Variants in TAB2 observed in about 807,000 individuals in gnomAD.
TAB2 encodes TGF-beta-activated kinase 1 and MAP3K7-binding protein 2.
Under a neutral mutation model 65.0 loss-of-function variants are expected in TAB2, and 3 were observed. The ratio of observed to expected loss-of-function variants is 0.05; its 90% CI spans 0.02 to 0.12. TAB2 has a LOEUF of 0.12. TAB2 is among the 10% of genes least tolerant of loss of function. The probability of loss-of-function intolerance (pLI) is 1.00; values close to 1 mark genes in which losing one functional copy is unlikely to be tolerated. For missense variants in TAB2, 623 were observed against 840.3 expected (o/e 0.74, Z 3.20); for synonymous variants, 298 against 285.1 (o/e 1.05, Z -0.46).
intron 3 of TAB2, among the ~76,000 whole-genome samples, chr6:149,396,174 C>A (rs868867787): frequency 2.0e-5 from 3 of 152,076 alleles, no homozygotes; most frequent in Non-Finnish European, 2.9e-5. Flanking sequence ...TCCACCACCA[C>A]GCCCGGCAAC....
intron 1 of TAB2, among the ~76,000 whole-genome samples, chr6:149,228,044 C>T (rs2114629213): frequency 6.6e-6 from 1 of 152,092 alleles, no homozygotes; most frequent in East Asian, 1.9e-4. Context: ...GTGAAACGTC[C>T]CACCATAGCA....
At chr6:149,407,838 A>AT (rs1193300370) in intron 6 of TAB2, among the ~76,000 whole-genome samples, 1 of 151,866 alleles carries the variant, frequency 6.6e-6, no homozygotes, top group Non-Finnish European at 1.5e-5. Flanking sequence ...ACCACTGGAG[A>AT]TTTTTCATTT....
intron 3 of TAB2, among the ~76,000 whole-genome samples, chr6:149,393,689 A>G (rs969685402): frequency 3.3e-5 from 5 of 152,214 alleles, no homozygotes; most frequent in Non-Finnish European, 5.9e-5. Context: ...AGAATGCTCA[A>G]CCTTATCCTG....
At chr6:149,223,154 A>G (rs921505362) in intron 1 of TAB2, among the ~76,000 whole-genome samples, 1 of 152,246 alleles carries the variant, frequency 6.6e-6, no homozygotes. Flanking sequence ...ATCTTATTAA[A>G]TTCAAAAGGA....
chr6:149,339,290 G>A (rs1780027770), intron 1 of TAB2, among the ~76,000 whole-genome samples: 1 of 152,044 alleles, frequency 6.6e-6, no homozygotes. Flanking sequence ...TTGAAGTGGG[G>A]TTGCAGAAGC....
At chr6:149,294,356 T>C (rs1364269167) in intron 1 of TAB2, among the ~76,000 whole-genome samples, 1 of 152,190 alleles carries the variant, frequency 6.6e-6, no homozygotes, top group Non-Finnish European at 1.5e-5. Context: ...TCAAATTTTT[T>C]CTTCTCAGGA....
chr6:149,307,303 G>T (rs568420466), intron 1 of TAB2, among the ~76,000 whole-genome samples: 1 of 152,296 alleles, frequency 6.6e-6, no homozygotes, highest in African/African-American at 2.4e-5. Context: ...GATGGGAGAA[G>T]AGTGACATGG....
At chr6:149,293,037 C>A (rs1324287318) in intron 1 of TAB2, among the ~76,000 whole-genome samples, 3 of 144,662 alleles carry the variant, frequency 2.1e-5, no homozygotes, top group Non-Finnish European at 3.0e-5. Flanking sequence ...TCCCGTTGAG[C>A]TTTGCTTCCC....
At chr6:149,403,851 G>A (rs572343287) in intron 6 of TAB2, among the ~76,000 whole-genome samples, 64 of 152,120 alleles carry the variant, frequency 4.2e-4, no homozygotes, top group African/African-American at 1.5e-3. Context: ...TGAGAAACCT[G>A]CACCAAGGTA....
intron 1 of TAB2, chr6:149,246,421 T>A (rs917110395): frequency 1.3e-5 from 2 of 152,244 alleles, no homozygotes; most frequent in African/African-American, 4.8e-5. Flanking sequence ...ATGGATAATT[T>A]CCTCCACCTA....
At chr6:149,360,046 C>T (rs1780792047) in intron 1 of TAB2, among the ~76,000 whole-genome samples, 1 of 152,110 alleles carries the variant, frequency 6.6e-6, no homozygotes. Context: ...ATAAATCCAG[C>T]TCTATAGTTT....
chr6:149,254,056 A>G (rs1470354703), intron 1 of TAB2, among the ~76,000 whole-genome samples: 1 of 133,934 alleles, frequency 7.5e-6, no homozygotes, highest in Non-Finnish European at 1.6e-5. Context: ...AGAGGGAGAG[A>G]GGGAGGAAGG....
intron 1 of TAB2, among the ~76,000 whole-genome samples, chr6:149,312,228 T>C (rs137957514): frequency 1.1e-3 from 169 of 152,330 alleles, no homozygotes; most frequent in African/African-American, 3.9e-3. Context: ...ATACCACATT[T>C]TGTGCACATA....
chr6:149,353,653 A>G (rs1469619412), intron 1 of TAB2, among the ~76,000 whole-genome samples: 2 of 152,244 alleles, frequency 1.3e-5, no homozygotes, highest in African/African-American at 4.8e-5. Flanking sequence ...TTCTGAGGAA[A>G]TAATTTAAAT....
intron 1 of TAB2, among the ~76,000 whole-genome samples, chr6:149,231,154 T>C (rs953208203): frequency 3.9e-5 from 6 of 152,230 alleles, no homozygotes; most frequent in African/African-American, 1.4e-4. Context: ...ATTCAGTTCT[T>C]GTGCTTCTGA....
At chr6:149,275,784 T>C (rs1171475422) in intron 1 of TAB2, among the ~76,000 whole-genome samples, 1 of 152,170 alleles carries the variant, frequency 6.6e-6, no homozygotes, top group African/African-American at 2.4e-5. Flanking sequence ...GTGGTCTTTT[T>C]CCCAAAACCC....
chr6:149,231,816 G>A (rs1777411454), intron 1 of TAB2, among the ~76,000 whole-genome samples: 1 of 152,204 alleles, frequency 6.6e-6, no homozygotes, highest in South Asian at 2.1e-4. Flanking sequence ...CAGGGGAGCA[G>A]AGGAGGTGTT....
At chr6:149,249,374 C>G (rs186091502) in intron 1 of TAB2, among the ~76,000 whole-genome samples, 6 of 152,148 alleles carry the variant, frequency 3.9e-5, no homozygotes, top group Non-Finnish European at 5.9e-5. Context: ...AAATCTAGGA[C>G]CTGCTCTTAG....
At chr6:149,330,134 C>A (rs1208901552) in intron 1 of TAB2, among the ~76,000 whole-genome samples, 1 of 151,646 alleles carries the variant, frequency 6.6e-6, no homozygotes, top group Non-Finnish European at 1.5e-5. Flanking sequence ...TGAGGTCCTT[C>A]CAAATTGTTG....
Sources: gnomAD v4.1 joint callset for allele counts (sites outside exome capture counted in the v4.1 genomes callset) on GRCh38, gnomAD v4.1.1 for gene constraint, MANE v1.5 for transcripts, NCBI Gene and HGNC (gene_info 2026-07-23, HGNC 2026-07-21) for gene names.